WASF2: variants seen among roughly 807,000 people sequenced by gnomAD.
WASF2 encodes WASP family member 2, also known as actin-binding protein WASF2.
A neutral mutation model predicts 45.0 loss-of-function variants in WASF2; 14 were observed. That is an observed-to-expected ratio of 0.31 (90% confidence interval 0.21 to 0.49). The LOEUF (loss-of-function observed/expected upper bound fraction) is 0.49. Ranked by LOEUF, WASF2 falls within the 20% of genes least tolerant of loss-of-function variation. The pLI is 0.99. For synonymous variants in WASF2, 200 were observed against 236.3 expected (o/e 0.85, Z 1.41); for missense variants, 439 against 636.1 (o/e 0.69, Z 3.33).
intron 2 of WASF2, among the ~76,000 whole-genome samples, chr1:27,419,400 A>G (rs1387022249): frequency 6.6e-6 from 1 of 152,252 alleles, no homozygotes; most frequent in African/African-American, 2.4e-5. Context: ...AAGAAAAGAT[A>G]ATATTTCTAC....
chr1:27,415,267 C>G (rs1307653745), intron 5 of WASF2, among the ~76,000 whole-genome samples: 1 of 152,182 alleles, frequency 6.6e-6, no homozygotes, highest in Admixed American at 6.5e-5. Flanking sequence ...TAGTAAACAG[C>G]TATTTATTAT....
At chr1:27,481,756 T>G (rs2017853370) in intron 1 of WASF2, among the ~76,000 whole-genome samples, 1 of 152,056 alleles carries the variant, frequency 6.6e-6, no homozygotes, top group South Asian at 2.1e-4. Flanking sequence ...AAAGAAACTA[T>G]TTTGTTCAAA....
chr1:27,466,165 G>A (rs933292069), intron 1 of WASF2, among the ~76,000 whole-genome samples: 2 of 152,176 alleles, frequency 1.3e-5, no homozygotes, highest in African/African-American at 4.8e-5. Context: ...TATTTACCTT[G>A]CCTTCCTTGT....
At chr1:27,489,635 G>C (rs1298080060) in intron 1 of WASF2, among the ~76,000 whole-genome samples, 1 of 152,196 alleles carries the variant, frequency 6.6e-6, no homozygotes. Context: ...ATCTGCCGAC[G>C]AAACCCTCGT....
intron 1 of WASF2, among the ~76,000 whole-genome samples, chr1:27,479,435 A>T (rs530621531): frequency 6.6e-6 from 1 of 152,336 alleles, no homozygotes; most frequent in South Asian, 2.1e-4. Context: ...TTTATTATTT[A>T]AAAATTCCAA....
At position 27,410,034 on chromosome 1, in the gene WASF2, G is replaced by C. The variant is rs1385327165; in HGVS notation, c.997C>G (p.Pro333Ala). 2 of 1,613,650 alleles carry C rather than the reference G, an allele frequency of 1.2e-6. No homozygotes were observed. Among genetic ancestry groups the C allele is most frequent in the African/African-American group, 1.3e-5 (1 of 74,964 alleles). Residue 333 changes from proline to alanine, a missense_variant, in exon 8 of 9, where the codon CCA (proline) becomes GCA (alanine). Pro to Ala is a conservative substitution (Grantham distance 27). This residue lies in a region of WASF2 where 286 missense variants were observed against 373.5 expected (regional missense o/e 0.77). Transcript: ENST00000618852. This position sits in a 1 kb window ranked among gnomAD's most constrained non-coding sequence, Gnocchi z 4.2. ...AATCCTACAGGCGGTGGTGGAGGTGGGATGCCTATCATTGGAGGCGGAGGT... is the reference window on the plus strand; with the variant it reads ...AATCCTACAGGCGGTGGTGGAGGTGCGATGCCTATCATTGGAGGCGGAGGT... Reference protein sequence around the residue: ...PPPPPPMIGIPPPPPPVGFGS... With the variant: ...PPPPPPMIGIAPPPPPVGFGS...
intron 4 of WASF2, among the ~76,000 whole-genome samples, chr1:27,416,684 T>C (rs1051948140): frequency 2.0e-5 from 3 of 152,170 alleles, no homozygotes; most frequent in African/African-American, 7.2e-5. Flanking sequence ...CAGCTCAGCA[T>C]CCACATACAC....
intron 2 of WASF2, among the ~76,000 whole-genome samples, chr1:27,420,491 T>C (rs1363494892): frequency 7.0e-6 from 1 of 142,858 alleles, no homozygotes; most frequent in Non-Finnish European, 1.5e-5. Context: ...AAGTGGTGCA[T>C]ACAAATAAAT....
intron 5 of WASF2, 24 bp downstream of exon 5, chr1:27,415,961 G>T: frequency 1.3e-6 from 2 of 1,591,464 alleles, no homozygotes; most frequent in South Asian, 1.1e-5. Flanking sequence ...CTGATGTGGA[G>T]AACAGAGGCC....
At chr1:27,423,930 AT>A (rs1451042150) in intron 2 of WASF2, among the ~76,000 whole-genome samples, 1 of 151,976 alleles carries the variant, frequency 6.6e-6, no homozygotes, top group Non-Finnish European at 1.5e-5. Context: ...ATCTAGCTTG[AT>A]TTTTTAATGA....
intron 1 of WASF2, among the ~76,000 whole-genome samples, chr1:27,473,728 T>C (rs1315634352): frequency 1.3e-5 from 2 of 152,118 alleles, no homozygotes; most frequent in Non-Finnish European, 2.9e-5. Flanking sequence ...ACCAAAACAC[T>C]TCCAATATTA....
chr1:27,457,942 C>T lies in WASF2; in HGVS notation c.-43-29009G>A, dbSNP rs75406092. On this transcript the variant is annotated intron_variant, in intron 1 of 8. Coordinates refer to ENST00000618852, the MANE Select transcript of WASF2 (RefSeq NM_006990.5). ...CCAGCCTAATATTTCAATATTTTAA[C>T]GTATCTCTGTGTTCTCAGAATATAG... Among the ~76,000 whole-genome samples, 5 of 152,172 alleles carry T rather than the reference C, an allele frequency of 3.3e-5. No homozygotes were observed. In the East Asian group the frequency reaches 9.7e-4, roughly 29 times the overall value.
intron 1 of WASF2, among the ~76,000 whole-genome samples, chr1:27,489,535 C>G (rs1458184346): frequency 1.3e-5 from 2 of 151,964 alleles, no homozygotes; most frequent in Admixed American, 6.6e-5. Flanking sequence ...TCAATTACTT[C>G]ATGGTCCAGA....
chr1:27,458,141 C>T (rs1571151417), intron 1 of WASF2, among the ~76,000 whole-genome samples: 2 of 151,350 alleles, frequency 1.3e-5, no homozygotes, highest in South Asian at 2.1e-4. Context: ...GAAACTCTGT[C>T]GCTACTAAAA....
intron 1 of WASF2, among the ~76,000 whole-genome samples, chr1:27,483,659 G>C (rs894481395): frequency 9.2e-5 from 14 of 151,684 alleles, no homozygotes; most frequent in Non-Finnish European, 1.8e-4. Flanking sequence ...CAACAAAAAG[G>C]GGGTGAGGGG....
chr1:27,428,724 C>G (rs1265069483), intron 2 of WASF2, 37 bp downstream of exon 2: 1 of 1,613,836 alleles, frequency 6.2e-7, no homozygotes, highest in Non-Finnish European at 8.5e-7. Flanking sequence ...CACCAACGAC[C>G]CCTGAGGGCA....
intron 1 of WASF2, among the ~76,000 whole-genome samples, chr1:27,433,814 G>A (rs913487095): frequency 2.6e-5 from 4 of 152,208 alleles, no homozygotes; most frequent in African/African-American, 9.7e-5. Flanking sequence ...AAAAGCGTCA[G>A]AAAAGAGCTG....
intron 2 of WASF2, among the ~76,000 whole-genome samples, chr1:27,419,507 G>A (rs2148105350): frequency 6.6e-6 from 1 of 152,256 alleles, no homozygotes; most frequent in Admixed American, 6.5e-5. Flanking sequence ...CCCAGCTACT[G>A]GGGAGGTTGA....
chr1:27,471,620 C>T (rs540501360), intron 1 of WASF2, among the ~76,000 whole-genome samples: 8 of 152,038 alleles, frequency 5.3e-5, no homozygotes, highest in African/African-American at 1.9e-4. Context: ...AGCGCAAGAA[C>T]CTGTCTCAAA....
Sources: allele counts gnomAD v4.1 joint callset (sites outside exome capture counted in the v4.1 genomes callset), GRCh38; gene constraint gnomAD v4.1.1; regional missense constraint gnomAD v4.1.1; non-coding constraint Gnocchi (gnomAD v3.1); transcripts MANE v1.5; gene names NCBI Gene and HGNC (gene_info 2026-07-23, HGNC 2026-07-21).